CAMTA1: variants seen among roughly 807,000 people sequenced by gnomAD.
CAMTA1 encodes calmodulin-binding transcription activator 1.
A neutral mutation model predicts 170.9 loss-of-function variants in CAMTA1; 27 were observed. That is an observed-to-expected ratio of 0.16 (90% CI 0.12 to 0.22). The LOEUF is 0.22. Ranked by LOEUF, CAMTA1 falls within the 10% of genes least tolerant of loss-of-function variation. The pLI, the probability that CAMTA1 is intolerant of heterozygous loss-of-function variation, is 1.00. For synonymous variants in CAMTA1, 833 were observed against 891.5 expected (o/e 0.93, Z 1.17); for missense variants, 1,619 against 2,217.2 (o/e 0.73, Z 5.42).
rs142846730 is a variant in CAMTA1, at chr1:7,493,063, GCA to G, written c.510+25171_510+25172del. Among the ~76,000 whole-genome samples the G allele has an allele frequency of 4.6e-3, 356 of 77,848 alleles. 21 individuals carry two copies. The highest frequency in any genetic ancestry group is 0.018 in the African/African-American group (322 of 17,972). 51.1% of individuals were successfully genotyped at this position (77,848 alleles called of 152,430 possible). A position where few individuals can be genotyped will look rare whatever the true frequency, so the allele number is the denominator to read the frequency against. ...AACACAAACCTACATACACACGCGC[GCA>G]CACACACAGACATACAAACGTGAGC... is the stretch of plus-strand genomic sequence containing the variant. On this transcript the variant is annotated intron_variant, in intron 6 of 22. Transcript: ENST00000303635.
At chr1:7,425,291 T>G (rs913382194) in intron 5 of CAMTA1, among the ~76,000 whole-genome samples, 5 of 152,146 alleles carry the variant, frequency 3.3e-5, no homozygotes, top group African/African-American at 1.2e-4. Flanking sequence ...CAGGTGGCCC[T>G]TCCATGGTGC....
At chr1:7,154,711 C>A (rs890728329) in intron 4 of CAMTA1, among the ~76,000 whole-genome samples, 3 of 152,240 alleles carry the variant, frequency 2.0e-5, no homozygotes, top group Non-Finnish European at 4.4e-5. Flanking sequence ...TCCTGTCCCC[C>A]ACACCAGCCC....
At chr1:7,012,052 A>G (rs1298180810) in intron 3 of CAMTA1, among the ~76,000 whole-genome samples, 1 of 152,012 alleles carries the variant, frequency 6.6e-6, no homozygotes, top group Non-Finnish European at 1.5e-5. Flanking sequence ...GGAAACCACA[A>G]TGCTGGGGAA....
At chr1:7,447,081 G>T (rs2092699244) in intron 5 of CAMTA1, among the ~76,000 whole-genome samples, 1 of 152,136 alleles carries the variant, frequency 6.6e-6, no homozygotes, top group Admixed American at 6.5e-5. Context: ...CTCCCACTGG[G>T]CCTGCACCTA....
intron 6 of CAMTA1, among the ~76,000 whole-genome samples, chr1:7,601,126 T>C (rs1327575923): frequency 4.8e-5 from 7 of 145,742 alleles, no homozygotes; most frequent in African/African-American, 1.8e-4. Context: ...CCCCCCCACC[T>C]CCCTCCCGGA....
intron 11 of CAMTA1, among the ~76,000 whole-genome samples, chr1:7,721,100 A>T (rs956909344): frequency 1.6e-4 from 24 of 152,216 alleles, no homozygotes; most frequent in African/African-American, 5.1e-4. Flanking sequence ...GGTGCTAGGG[A>T]TACAAGACAA....
At chr1:7,382,818 T>C (rs1445942145) in intron 5 of CAMTA1, 1 of 147,792 alleles carries the variant, frequency 6.8e-6, no homozygotes, top group Non-Finnish European at 1.5e-5. Context: ...AGATAGATAC[T>C]TGCTTCCTAG....
intron 4 of CAMTA1, among the ~76,000 whole-genome samples, chr1:7,203,365 T>C (rs1463548060): frequency 2.0e-5 from 3 of 152,198 alleles, no homozygotes; most frequent in Non-Finnish European, 4.4e-5. Flanking sequence ...ATAAAGTGAA[T>C]TGGAACATAT....
At chr1:7,506,260 G>C (rs2094106980) in intron 6 of CAMTA1, among the ~76,000 whole-genome samples, 1 of 152,140 alleles carries the variant, frequency 6.6e-6, no homozygotes, top group Non-Finnish European at 1.5e-5. Context: ...GTGGGACTGA[G>C]TCCCAGGTGC....
intron 6 of CAMTA1, among the ~76,000 whole-genome samples, chr1:7,542,562 AGT>A: frequency 1.4e-5 from 2 of 144,482 alleles, no homozygotes; most frequent in African/African-American, 5.4e-5. Flanking sequence ...CAGCCTCCTG[AGT>A]AGCTGGGATT....
intron 3 of CAMTA1, among the ~76,000 whole-genome samples, chr1:6,882,003 C>A (rs1333715320): frequency 1.3e-5 from 2 of 152,128 alleles, no homozygotes; most frequent in Middle Eastern, 3.2e-3. Context: ...AATAATCACT[C>A]TGAATGTAGT....
At chr1:7,494,571 A>G (rs538411718) in intron 6 of CAMTA1, among the ~76,000 whole-genome samples, 1 of 152,324 alleles carries the variant, frequency 6.6e-6, no homozygotes, top group African/African-American at 2.4e-5. Context: ...TGGGAGGCCA[A>G]GGCAGGCGGA....
chr1:7,111,540 A>G (rs754344300), intron 4 of CAMTA1, among the ~76,000 whole-genome samples: 3 of 152,216 alleles, frequency 2.0e-5, no homozygotes, highest in East Asian at 1.9e-4. Flanking sequence ...TGTTGGACAC[A>G]TGACGGCTGA....
chr1:7,655,699 C>T (rs1397935943), intron 7 of CAMTA1, among the ~76,000 whole-genome samples: 1 of 151,936 alleles, frequency 6.6e-6, no homozygotes, highest in Admixed American at 6.6e-5. Flanking sequence ...ACACACACAC[C>T]TATACACACA....
intron 5 of CAMTA1, among the ~76,000 whole-genome samples, chr1:7,324,172 T>C: frequency 6.6e-6 from 1 of 152,242 alleles, no homozygotes; most frequent in East Asian, 1.9e-4. Context: ...TTTAAGGCTA[T>C]ATTGTTGGGT....
At chr1:6,845,555 T>C (rs971931244) in intron 3 of CAMTA1, among the ~76,000 whole-genome samples, 1 of 152,250 alleles carries the variant, frequency 6.6e-6, no homozygotes, top group African/African-American at 2.4e-5. Flanking sequence ...GTGAATTATA[T>C]CTCAATAAAG....
In CAMTA1 at chr1:7,749,338, G is replaced by A. The variant is rs970226751; in HGVS notation, c.4689+1557G>A. On this transcript the variant is annotated intron_variant, in intron 19 of 22. Transcript: ENST00000303635. ...GGTGGGGGGACGTCTTTGGCTTCGA[G>A]CCAGTTGAGTTCATGATCCCAGAAA... Among the ~76,000 whole-genome samples the A allele has an allele frequency of 1.3e-5, 2 of 152,124 alleles. 1 individual carries two copies. Among genetic ancestry groups the A allele is most frequent in the African/African-American group, 4.8e-5 (2 of 41,420 alleles).
rs138834000 is a variant in CAMTA1, at chr1:7,625,666, C to T, written c.511-14734C>T. Among the ~76,000 whole-genome samples the T allele has an allele frequency of 8.9e-4, 135 of 152,382 alleles. 1 individual carries two copies. Among genetic ancestry groups the T allele is most frequent in the African/African-American group, 3.1e-3 (131 of 41,602 alleles). On this transcript the variant is annotated intron_variant, in intron 6 of 22. Coordinates refer to ENST00000303635, the MANE Select transcript of CAMTA1 (RefSeq NM_015215.4). ...CCATTCGCAATGGGCTGGCATAGGGCAGCCTCACTGCTTGGCTCCAGCCAG... is the reference window on the plus strand; with the variant it reads ...CCATTCGCAATGGGCTGGCATAGGGTAGCCTCACTGCTTGGCTCCAGCCAG...
At chr1:7,637,520 G>A (rs2095722544) in intron 6 of CAMTA1, among the ~76,000 whole-genome samples, 1 of 152,188 alleles carries the variant, frequency 6.6e-6, no homozygotes, top group South Asian at 2.1e-4. Flanking sequence ...GAATCACCCC[G>A]TCTCTCCGCC....
Sources: allele counts gnomAD v4.1 joint callset (sites outside exome capture counted in the v4.1 genomes callset), GRCh38; gene constraint gnomAD v4.1.1; transcripts MANE v1.5; gene names NCBI Gene and HGNC (gene_info 2026-07-23, HGNC 2026-07-21).